ACOXL: variants seen among roughly 807,000 people sequenced by gnomAD.
The protein encoded by ACOXL is acyl-coenzyme A oxidase-like protein.
A neutral mutation model predicts 71.9 loss-of-function variants in ACOXL; 70 were observed. The ratio of observed to expected loss-of-function variants is 0.97; its 90% CI spans 0.80 to 1.19. ACOXL has a LOEUF of 1.19. ACOXL is among the 50% of genes most tolerant of loss of function. The pLI is 0.00. For synonymous variants in ACOXL, 253 were observed against 281.6 expected (o/e 0.90, Z 1.02); for missense variants, 703 against 736.3 (o/e 0.95, Z 0.52).
chr2:110,963,855 G>C, intron 12 of ACOXL: 1 of 1,234,794 alleles, frequency 8.1e-7, no homozygotes, highest in Non-Finnish European at 1.1e-6. Context: ...AGCTGAACAG[G>C]GGATTACGTT....
intron 16 of ACOXL, among the ~76,000 whole-genome samples, chr2:111,057,581 G>C (rs1228474061): frequency 6.6e-6 from 1 of 152,168 alleles, no homozygotes; most frequent in Admixed American, 6.5e-5. Context: ...AGGGAGAGGG[G>C]TGGTAGGGGA....
chr2:111,048,565 A>G (rs2066134589), intron 15 of ACOXL, among the ~76,000 whole-genome samples: 2 of 152,214 alleles, frequency 1.3e-5, no homozygotes, highest in Non-Finnish European at 1.5e-5. Context: ...GAACCTGGCC[A>G]TAAATATGAG....
rs112052863 is a variant in ACOXL at position 110,944,554 on chromosome 2, C to T, written c.1059+10912C>T. ...TGTTGTTCCCTTCTTTGTGTCTGTG[C>T]GTACTCAATGTTTAGCTCCCACTTA... On this transcript the variant is annotated intron_variant, in intron 12 of 17. Coordinates refer to ENST00000439055, the MANE Select transcript of ACOXL (RefSeq NM_001142807.4). Among the ~76,000 whole-genome samples, 1,000 of 152,116 alleles carry T rather than the reference C, an allele frequency of 6.6e-3. 10 individuals are homozygous for T. Among genetic ancestry groups the T allele is most frequent in the African/African-American group, 0.022 (924 of 41,484 alleles).
chr2:110,770,718 T>C (rs374693393), intron 2 of ACOXL, among the ~76,000 whole-genome samples: 86 of 152,332 alleles, frequency 5.6e-4, no homozygotes, highest in African/African-American at 2.0e-3. Context: ...AACCACTCTC[T>C]CTGTCAGAGT....
In ACOXL at chr2:110,924,733, G is replaced by A. The variant is rs143726063; in HGVS notation, c.906-8756G>A. Among the ~76,000 whole-genome samples the A allele has an allele frequency of 5.3e-5, 8 of 152,084 alleles. No homozygotes were observed. In the East Asian group the frequency reaches 1.2e-3, roughly 22 times the overall value. On this transcript the variant is annotated intron_variant, in intron 11 of 17. Transcript: ENST00000439055. Reference sequence around the variant, plus strand: ...CCCCTCAAAGTCATCCATGAGGGTTGGAACATCAACTTCTTCTGAACTGCT... The same window carrying A: ...CCCCTCAAAGTCATCCATGAGGGTTAGAACATCAACTTCTTCTGAACTGCT...
At chr2:110,938,775 A>G (rs1000740077) in intron 12 of ACOXL, among the ~76,000 whole-genome samples, 1 of 152,122 alleles carries the variant, frequency 6.6e-6, no homozygotes, top group African/African-American at 2.4e-5. Flanking sequence ...TAAAACTTGG[A>G]ATTAATCCAC....
chr2:110,841,252 C>T, intron 9 of ACOXL, 119 bp from the exon 10 acceptor site: 1 of 686,918 alleles, frequency 1.5e-6, no homozygotes, highest in Non-Finnish European at 2.5e-6. Context: ...GAAGCATTAG[C>T]TGTAGGGCAT....
At chr2:111,103,170 C>T (rs2069294762) in intron 17 of ACOXL, among the ~76,000 whole-genome samples, 1 of 152,086 alleles carries the variant, frequency 6.6e-6, no homozygotes, top group Non-Finnish European at 1.5e-5. Context: ...TGGCATGCGC[C>T]TGTAATCCCA....
chr2:110,937,767 T>G (rs4848344), intron 12 of ACOXL, among the ~76,000 whole-genome samples: 39,693 of 152,110 alleles, frequency 0.26, 5,986 homozygotes, highest in Non-Finnish European at 0.33. Flanking sequence ...TCAACACACA[T>G]TTACTGCCTT....
rs137893682 is a variant in ACOXL at position 110,749,911 on chromosome 2, G to A, written c.-23+17137G>A. On this transcript the variant is annotated intron_variant, in intron 1 of 17. Transcript: ENST00000439055. ...TGTCTTTCATGCTTTCCATGACCTG[G>A]CTGTTTTGAAGAGTACTGGTCAGGT... 8.1e-3 allele frequency among the ~76,000 whole-genome samples: 1,234 copies of A among 152,230 alleles called. 8 individuals are homozygous for A. The highest frequency in any genetic ancestry group is 0.013 in the Non-Finnish European group (913 of 68,014).
intron 14 of ACOXL, among the ~76,000 whole-genome samples, chr2:111,018,562 C>T (rs1474310791): frequency 6.6e-6 from 1 of 152,138 alleles, no homozygotes; most frequent in African/African-American, 2.4e-5. Flanking sequence ...TCTCCCTTCC[C>T]TGTAGGGGTC....
chr2:111,084,301 ACAC>A (rs1264822588), intron 16 of ACOXL, among the ~76,000 whole-genome samples: 1 of 145,756 alleles, frequency 6.9e-6, no homozygotes, highest in Non-Finnish European at 1.5e-5. Flanking sequence ...ACACACACAC[ACAC>A]ACACAAGAAG....
At chr2:110,992,050 G>A (rs1053159790) in intron 13 of ACOXL, among the ~76,000 whole-genome samples, 3 of 152,158 alleles carry the variant, frequency 2.0e-5, no homozygotes, top group African/African-American at 7.2e-5. Context: ...AGATAGCAAA[G>A]CAGGGCTTGA....
At chr2:110,774,667 AAGG>A (rs1682412455) in intron 2 of ACOXL, among the ~76,000 whole-genome samples, 1 of 152,258 alleles carries the variant, frequency 6.6e-6, no homozygotes, top group African/African-American at 2.4e-5. Context: ...AAAGTAATAA[AAGG>A]AGATACAAAT....
intron 14 of ACOXL, among the ~76,000 whole-genome samples, chr2:111,019,225 C>G (rs555964053): frequency 3.3e-5 from 5 of 152,280 alleles, no homozygotes; most frequent in African/African-American, 9.6e-5. Context: ...CTGATTTTCC[C>G]CTTTCTATTC....
intron 12 of ACOXL, among the ~76,000 whole-genome samples, chr2:110,938,859 CATG>C (rs1306622277): frequency 6.6e-6 from 1 of 150,538 alleles, no homozygotes; most frequent in Non-Finnish European, 1.5e-5. Flanking sequence ...TTTAAAAAAA[CATG>C]ATTTTATTGT....
intron 16 of ACOXL, among the ~76,000 whole-genome samples, chr2:111,080,377 A>G (rs2067841956): frequency 6.6e-6 from 1 of 152,086 alleles, no homozygotes; most frequent in Admixed American, 6.5e-5. Context: ...TTTCCCTCTA[A>G]CCACTGCTTT....
chr2:110,935,812 G>A (rs995054365), intron 12 of ACOXL, among the ~76,000 whole-genome samples: 6 of 151,846 alleles, frequency 4.0e-5, no homozygotes, highest in African/African-American at 7.3e-5. Context: ...TTGGCACCAC[G>A]GACTGGTTTC....
At chr2:110,809,216 T>C (rs1687020349) in intron 9 of ACOXL, among the ~76,000 whole-genome samples, 1 of 152,198 alleles carries the variant, frequency 6.6e-6, no homozygotes, top group South Asian at 2.1e-4. Context: ...CTGCTCCCCA[T>C]AGTATGTGCT....
Sources: allele counts gnomAD v4.1 joint callset (sites outside exome capture counted in the v4.1 genomes callset), GRCh38; gene constraint gnomAD v4.1.1; transcripts MANE v1.5; gene names NCBI Gene and HGNC (gene_info 2026-07-23, HGNC 2026-07-21).